The following PRSS23 variants were observed in gnomAD, a reference collection of about 807,000 sequenced individuals.
The protein encoded by PRSS23 is serine protease 23.
A neutral mutation model predicts 34.7 loss-of-function variants in PRSS23; 25 were observed. That is an observed-to-expected ratio of 0.72 (90% CI 0.53 to 1.01). The LOEUF is 1.01. Among genes scored for constraint, PRSS23 ranks in the 50% least tolerant of loss-of-function variants. The pLI, the probability that PRSS23 is intolerant of heterozygous loss-of-function variation, is 0.00. For missense variants in PRSS23, 445 were observed against 475.6 expected, an observed-to-expected ratio of 0.94 and a Z score of 0.60; for synonymous variants, 176 against 186.6, an observed-to-expected ratio of 0.94 and a Z score of 0.46.
intron 2 of PRSS23, among the ~76,000 whole-genome samples, chr11:86,943,889 G>A (rs76513946): frequency 0.082 from 12,428 of 151,626 alleles, 517 homozygotes; most frequent in East Asian, 0.095. Context: ...GACTACAGGC[G>A]CGTGTCACAC....
At chr11:86,875,728 A>G (rs1184078481) in intron 2 of PRSS23, among the ~76,000 whole-genome samples, 1 of 152,224 alleles carries the variant, frequency 6.6e-6, no homozygotes, top group Non-Finnish European at 1.5e-5. Flanking sequence ...CAATCCCATC[A>G]ATTATTCTCT....
intron 2 of PRSS23, among the ~76,000 whole-genome samples, chr11:86,873,246 A>ACACACCATGCCAAGCT (rs1948698148): frequency 2.2e-5 from 2 of 90,616 alleles, no homozygotes; most frequent in Admixed American, 2.3e-4. Context: ...ACACACACAC[A>ACACACCATGCCAAGCT]CATATATATG....
chr11:86,895,315 C>T (rs1001495989), intron 2 of PRSS23, among the ~76,000 whole-genome samples: 1 of 151,988 alleles, frequency 6.6e-6, no homozygotes, highest in Non-Finnish European at 1.5e-5. Flanking sequence ...TCTGCTTTCA[C>T]CTTCACTAAA....
intron 2 of PRSS23, among the ~76,000 whole-genome samples, chr11:86,945,375 A>AG: frequency 6.6e-6 from 1 of 152,122 alleles, no homozygotes; most frequent in South Asian, 2.1e-4. Context: ...AAAAAAAAAA[A>AG]AAAGAGGTGT....
At chr11:86,905,801 T>C (rs1047017779) in intron 2 of PRSS23, among the ~76,000 whole-genome samples, 2 of 152,012 alleles carry the variant, frequency 1.3e-5, no homozygotes, top group African/African-American at 4.8e-5. Flanking sequence ...TCATCTGGGG[T>C]TTCTGCTCAC....
chr11:86,881,410 C>T (rs1948771392), intron 2 of PRSS23, among the ~76,000 whole-genome samples: 2 of 151,690 alleles, frequency 1.3e-5, no homozygotes, highest in Admixed American at 1.3e-4. Context: ...GATTAATTTG[C>T]ATATATTGAA....
intron 2 of PRSS23, among the ~76,000 whole-genome samples, chr11:86,928,275 ATACATAT>A (rs1949095949): frequency 6.7e-6 from 1 of 148,290 alleles, no homozygotes; most frequent in Non-Finnish European, 1.5e-5. Flanking sequence ...CATATGTTTA[ATACATAT>A]TACATTAACA....
chr11:86,826,807 G>A (rs894225370), intron 2 of PRSS23, among the ~76,000 whole-genome samples: 10 of 152,246 alleles, frequency 6.6e-5, no homozygotes, highest in African/African-American at 1.7e-4. Context: ...ATTGATTTGC[G>A]TATACTGAAC....
At chr11:86,876,692 G>C (rs1388048652) in intron 2 of PRSS23, among the ~76,000 whole-genome samples, 1 of 149,894 alleles carries the variant, frequency 6.7e-6, no homozygotes, top group Non-Finnish European at 1.5e-5. Flanking sequence ...GCTCATTAAT[G>C]TTGGAAAGAC....
intron 2 of PRSS23, chr11:86,837,453 C>G (rs1047507152): frequency 6.6e-6 from 1 of 152,210 alleles, no homozygotes; most frequent in Non-Finnish European, 1.5e-5. Flanking sequence ...CTGTCCCTAG[C>G]TTAGGCGGAC....
intron 1 of PRSS23, among the ~76,000 whole-genome samples, chr11:86,819,196 C>T (rs1006285617): frequency 3.3e-5 from 5 of 152,106 alleles, no homozygotes; most frequent in Non-Finnish European, 4.4e-5. Context: ...ATCCAAATAG[C>T]GAGAAAAACC....
intron 2 of PRSS23, among the ~76,000 whole-genome samples, chr11:86,918,651 T>A (rs2135001165): frequency 6.6e-6 from 1 of 152,326 alleles, no homozygotes; most frequent in South Asian, 2.1e-4. Context: ...AGAGCTGAGA[T>A]TAGTGTGTGC....
chr11:86,832,420 A>T (rs1446061655), intron 2 of PRSS23: 2 of 181,646 alleles, frequency 1.1e-5, no homozygotes, highest in South Asian at 1.3e-4. Flanking sequence ...TATTACTCTT[A>T]ATATCACAGT....
chr11:86,871,791 G>A (rs897380525), intron 2 of PRSS23, among the ~76,000 whole-genome samples: 1 of 152,182 alleles, frequency 6.6e-6, no homozygotes, highest in African/African-American at 2.4e-5. Context: ...TTTAAGCTGA[G>A]ACTCATAAGA....
intron 2 of PRSS23, among the ~76,000 whole-genome samples, chr11:86,877,641 T>A (rs755417214): frequency 2.6e-5 from 4 of 152,200 alleles, no homozygotes; most frequent in Non-Finnish European, 4.4e-5. Flanking sequence ...TTGTCAGAAA[T>A]CAATTTACTG....
chr11:86,951,436 G>A lies in PRSS23; in HGVS notation c.*151G>A, dbSNP rs371867662. On this transcript the variant is annotated 3_prime_UTR_variant, in exon 3 of 3. Transcript: ENST00000533902. Reference sequence around the variant, plus strand: ...TTGCAGGAACTGTGTACAGTACTGAGAACACCCCAATCTTGACCATCAGTC... The same window carrying A: ...TTGCAGGAACTGTGTACAGTACTGAAAACACCCCAATCTTGACCATCAGTC... The A allele has an allele frequency of 1.9e-6, 3 of 1,613,064 alleles. No individual in the cohort carries two copies. Among genetic ancestry groups the A allele is most frequent in the Non-Finnish European group, 2.5e-6 (3 of 1,179,118 alleles).
At chr11:86,796,494 A>G (rs1470019420), upstream of PRSS23, among the ~76,000 whole-genome samples, 1 of 151,424 alleles carries the variant, frequency 6.6e-6, no homozygotes, top group African/African-American at 2.4e-5. Flanking sequence ...ACAAAAAATT[A>G]GCCGGGCGTG....
chr11:86,943,353 G>A (rs1456834403), intron 2 of PRSS23, among the ~76,000 whole-genome samples: 3 of 152,208 alleles, frequency 2.0e-5, no homozygotes, highest in Non-Finnish European at 4.4e-5. Context: ...GGCTGGGTGC[G>A]GTGGCTTACG....
At chr11:86,832,587 A>G in intron 2 of PRSS23, 2 of 488,520 alleles carry the variant, frequency 4.1e-6, no homozygotes, top group East Asian at 5.6e-5. Flanking sequence ...CTCAGTCTGT[A>G]GATGAAGGGG....
Sources: gnomAD v4.1 joint callset for allele counts (sites outside exome capture counted in the v4.1 genomes callset) on GRCh38, gnomAD v4.1.1 for gene constraint, MANE v1.5 for transcripts, NCBI Gene and HGNC (gene_info 2026-07-23, HGNC 2026-07-21) for gene names.